XYLB: variants seen among roughly 807,000 people sequenced by gnomAD.
XYLB encodes the protein xylulose kinase.
Under a neutral mutation model 78.7 loss-of-function variants are expected in XYLB, and 62 were observed. That is an observed-to-expected ratio of 0.79 (90% CI 0.64 to 0.97). XYLB has a LOEUF of 0.97. Ranked by LOEUF, XYLB falls within the 50% of genes least tolerant of loss-of-function variation. The pLI is 0.00. For synonymous variants in XYLB, 245 were observed against 247.4 expected (o/e 0.99, Z 0.09); for missense variants, 687 against 676.8 (o/e 1.02, Z -0.17).
At chr3:38,415,026 C>T (rs1318453323), downstream of XYLB, 1 of 152,260 alleles carries the variant, frequency 6.6e-6, no homozygotes, top group East Asian at 1.9e-4. Flanking sequence ...TATCTTGTTA[C>T]TTAGAATATT....
At chr3:38,357,929 C>A (rs1269208191) in intron 2 of XYLB, among the ~76,000 whole-genome samples, 1 of 150,128 alleles carries the variant, frequency 6.7e-6, no homozygotes, top group Non-Finnish European at 1.5e-5. Context: ...AATGTATATT[C>A]TGGAAACAAG....
At chr3:38,351,903 C>T (rs868234663) in intron 2 of XYLB, among the ~76,000 whole-genome samples, 1 of 152,186 alleles carries the variant, frequency 6.6e-6, no homozygotes, top group African/African-American at 2.4e-5. Context: ...TATGGATGGA[C>T]TACAATTGGT....
chr3:38,396,409 T>C (rs1281351738), intron 16 of XYLB, among the ~76,000 whole-genome samples: 1 of 152,058 alleles, frequency 6.6e-6, no homozygotes, highest in East Asian at 1.9e-4. Flanking sequence ...CCTGGGGAGG[T>C]TAAATCTCCT....
chr3:38,376,192 G>C lies in XYLB; in HGVS notation c.1080G>C (p.Lys360Asn). The stretch of plus-strand genomic sequence containing the variant: ...CCCGTTCCTGGAGCGATTTCTCTAA[G>C]GCACTGCAGTCCACAGAGATGGGCA... Reference protein sequence around the residue: ...SVSRSWSDFSKALQSTEMGNG... With the variant: ...SVSRSWSDFSNALQSTEMGNG... Residue 360 changes from lysine to asparagine, a missense_variant, in exon 13 of 19, where the codon AAG becomes AAC. By Grantham distance (94) the Lys-to-Asn change is moderately conservative (BLOSUM62 0). Transcript: ENST00000207870. 1 of 1,614,154 alleles carries C rather than the reference G, an allele frequency of 6.2e-7. No individual in the cohort carries two copies. Among genetic ancestry groups the C allele is most frequent in the Non-Finnish European group, 8.5e-7 (1 of 1,179,988 alleles).
Position 38,370,136 on chromosome 3 carries a change from G to A in XYLB, c.727G>A (p.Glu243Lys). ...CLGACAPHLE[E>K]KLSPPVPSCS... ...TGGTGCCTGTGCACCTCATTTAGAGGAGAAGCTTAGCCCACCAGTACCATC... is the reference window on the plus strand; with the variant it reads ...TGGTGCCTGTGCACCTCATTTAGAGAAGAAGCTTAGCCCACCAGTACCATC... Residue 243 changes from glutamate (E) to lysine (K), a missense_variant, in exon 9 of 19, where the codon GAG becomes AAG. By Grantham distance (56) the Glu-to-Lys change is moderately conservative. Coordinates refer to ENST00000207870, the MANE Select transcript of XYLB (RefSeq NM_005108.4). 1 of 1,614,118 alleles carries A rather than the reference G, an allele frequency of 6.2e-7. No individual in the cohort carries two copies. The highest frequency in any genetic ancestry group is 2.2e-5 in the East Asian group (1 of 44,876).
At chr3:38,429,914 T>C in the XYLB span, among the ~76,000 whole-genome samples, 5 of 152,202 alleles carry the variant, frequency 3.3e-5, no homozygotes, top group African/African-American at 9.7e-5. Context: ...GCATAGTATT[T>C]CATGGTGTAT....
chr3:38,365,773 G>C, intron 6 of XYLB, 37 bp downstream of exon 6: 2 of 1,586,828 alleles, frequency 1.3e-6, no homozygotes, highest in Non-Finnish European at 1.7e-6. Flanking sequence ...GGGGTGGTCT[G>C]GTTGCAAGCT....
At position 38,388,163 on chromosome 3, in the gene XYLB, T is replaced by C. The variant is rs1351403454; in HGVS notation, c.1292-7342T>C. 1.9e-4 allele frequency among the ~76,000 whole-genome samples: 5 copies of C among 26,344 alleles called. No homozygotes were observed. In the East Asian group the frequency reaches 0.024, roughly 127 times the overall value. The allele number at this position is 26,344 out of a possible 152,430, so 17.3% of individuals were successfully genotyped here. On this transcript the variant is annotated intron_variant, in intron 15 of 18. Transcript: ENST00000207870. ...GGAAGTGCGGGTGAGGTGGTGGTTT[T>C]TTTTTGTTTTTTTTTTTTTTTTTTT... is the stretch of plus-strand genomic sequence containing the variant.
At chr3:38,349,133 G>A (rs1037634483) in intron 2 of XYLB, among the ~76,000 whole-genome samples, 1 of 152,214 alleles carries the variant, frequency 6.6e-6, no homozygotes, top group Non-Finnish European at 1.5e-5. Flanking sequence ...GCCAAGCGAT[G>A]GAAGGGAAGT....
rs374840248 is a variant in XYLB at position 38,397,095 on chromosome 3, C to T, written c.1374C>T (p.Ala458=). 15 of 1,613,970 alleles carry T rather than the reference C, an allele frequency of 9.3e-6. No homozygotes were observed. In the East Asian group the frequency reaches 2.7e-4, roughly 29 times the overall value. Reference sequence around the variant, plus strand: ...AGGTGCTTGCAGATGTGTTTGATGCCCCGGTGTATGTTATAGACACTGCCA... The same window carrying T: ...AGGTGCTTGCAGATGTGTTTGATGCTCCGGTGTATGTTATAGACACTGCCA... ...ILQVLADVFD[A]PVYVIDTANS... is the part of the protein sequence containing the mutation. Residue 458 remains alanine, a synonymous_variant, in exon 17 of 19, where the codon GCC becomes GCT. Coordinates refer to ENST00000207870, the MANE Select transcript of XYLB (RefSeq NM_005108.4).
In XYLB at chr3:38,374,730, C is replaced by T. The variant is rs773109001; in HGVS notation, c.888+228C>T. Among the ~76,000 whole-genome samples the T allele has an allele frequency of 2.4e-4, 37 of 152,142 alleles. No homozygotes were observed. The highest frequency in any genetic ancestry group is 4.4e-4 in the Non-Finnish European group (30 of 68,024). ...AAGTCATTGTTCTTTGCTAGATGGGCAGGACCCCTGCCTGCTTCACAGTGG... is the reference window on the plus strand; with the variant it reads ...AAGTCATTGTTCTTTGCTAGATGGGTAGGACCCCTGCCTGCTTCACAGTGG... On this transcript the variant is annotated intron_variant, in intron 11 of 18. Transcript: ENST00000207870.
Position 38,357,490 on chromosome 3 carries a change from C to A in XYLB, c.141-2849C>A, listed in dbSNP as rs192271175. Among the ~76,000 whole-genome samples the A allele has an allele frequency of 2.0e-5, 3 of 151,914 alleles. No individual in the cohort carries two copies. The East Asian group carries it at 5.8e-4, about 29-fold the overall frequency. On this transcript the variant is annotated intron_variant, in intron 2 of 18. Transcript: ENST00000207870. Reference sequence around the variant, plus strand: ...CAAGCTCCACCTCCTGGGTTCATGCCATTCTCCTGTCTCAGCCTCCCTAGT... The same window carrying A: ...CAAGCTCCACCTCCTGGGTTCATGCAATTCTCCTGTCTCAGCCTCCCTAGT...
At chr3:38,366,764 C>T in intron 6 of XYLB, 44 bp from the exon 7 acceptor site, 1 of 1,298,000 alleles carries the variant, frequency 7.7e-7, no homozygotes. Context: ...ATTGTTCATT[C>T]TGTGTAGGAT....
chr3:38,358,980 T>C (rs1189897037), intron 2 of XYLB, among the ~76,000 whole-genome samples: 1 of 152,138 alleles, frequency 6.6e-6, no homozygotes, highest in Non-Finnish European at 1.5e-5. Context: ...ACAAGCTCGG[T>C]TGTGGAGACT....
chr3:38,391,519 TA>T (rs1242402842), intron 15 of XYLB, among the ~76,000 whole-genome samples: 1 of 152,256 alleles, frequency 6.6e-6, no homozygotes, highest in Middle Eastern at 3.2e-3. Context: ...TCATCCATGT[TA>T]ATGTGCATAG....
chr3:38,347,967 CT>C (rs1705159649), intron 1 of XYLB, among the ~76,000 whole-genome samples: 1 of 152,216 alleles, frequency 6.6e-6, no homozygotes, highest in Non-Finnish European at 1.5e-5. Context: ...CTGGCCAGTC[CT>C]TGGGGGAACG....
At chr3:38,358,825 G>C (rs191227110) in intron 2 of XYLB, among the ~76,000 whole-genome samples, 2 of 152,064 alleles carry the variant, frequency 1.3e-5, no homozygotes. Flanking sequence ...TATAATTTAT[G>C]TACAAAAAAT....
intron 15 of XYLB, among the ~76,000 whole-genome samples, chr3:38,390,663 C>G (rs1374747725): frequency 6.6e-6 from 1 of 152,114 alleles, no homozygotes; most frequent in African/African-American, 2.4e-5. Flanking sequence ...GCTGGGACCA[C>G]AGGCATGCAT....
intron 17 of XYLB, 65 bp downstream of exon 17, chr3:38,397,224 G>A: frequency 1.5e-5 from 22 of 1,471,906 alleles, no homozygotes; most frequent in Non-Finnish European, 2.1e-5. Flanking sequence ...GCTGAGGAGG[G>A]TGGAAAGGGG....
Sources: allele counts gnomAD v4.1 joint callset (sites outside exome capture counted in the v4.1 genomes callset), GRCh38; gene constraint gnomAD v4.1.1; transcripts MANE v1.5; gene names NCBI Gene and HGNC (gene_info 2026-07-23, HGNC 2026-07-21).